The following MPDZ variants were observed in gnomAD, a reference collection of about 807,000 sequenced individuals.
MPDZ encodes the protein multiple PDZ domain protein.
In MPDZ, 234 loss-of-function variants were observed where a neutral mutation model predicts 239.1. That is an observed-to-expected ratio of 0.98 (90% CI 0.88 to 1.09). The LOEUF is 1.09. Ranked by LOEUF, MPDZ falls within the 50% of genes least tolerant of loss-of-function variation. The pLI is 0.00. For synonymous variants in MPDZ, 1,048 were observed against 881.3 expected, an observed-to-expected ratio of 1.19 and a Z score of -3.35; for missense variants, 3,175 against 2,510.0, an observed-to-expected ratio of 1.26 and a Z score of -5.66.
chr9:13,114,118 TAAGC>T (rs773524097), intron 40 of MPDZ, 97 bp from the exon 41 acceptor site: 6 of 910,666 alleles, frequency 6.6e-6, no homozygotes, highest in Non-Finnish European at 1.0e-5. Context: ...AGATACCTGT[TAAGC>T]AACAGTGGCA....
At chr9:13,262,178 T>G (rs554101170) in intron 1 of MPDZ, among the ~76,000 whole-genome samples, 1 of 152,160 alleles carries the variant, frequency 6.6e-6, no homozygotes, top group East Asian at 1.9e-4. Context: ...AAATCTGCAT[T>G]CAGGCCAGCC....
rs1944389449 is a variant in MPDZ at position 13,121,798 on chromosome 9, G to A, written c.5172C>T (p.Leu1724=). ...CCGGCTTCTTCTGCAGCTCAATAGT[G>A]AGGGTGTCACACACTTCCTCCTCTT... ...PYKEEEVCDT[L]TIELQKKPGK... The change falls in exon 38 of 47, where the codon CTC becomes CTT. Residue 1724 remains leucine, a synonymous_variant. Transcript: ENST00000319217. The A allele has an allele frequency of 1.9e-6, 3 of 1,613,878 alleles. No individual in the cohort carries two copies. The highest frequency in any genetic ancestry group is 1.7e-6 in the Non-Finnish European group (2 of 1,179,868).
rs554487380 is a variant in MPDZ at position 13,190,231 on chromosome 9, A to G, written c.2037T>C (p.Asp679=). 59 of 1,612,796 alleles carry G rather than the reference A, an allele frequency of 3.7e-5. No individual in the cohort carries two copies. In the South Asian group the frequency reaches 3.7e-4, roughly 10 times the overall value. ...GAACCTCTTCTGTACTCTGACCCGCATCAGTCATCGCCAGCACTGGATCCT... is the reference window on the plus strand; with the variant it reads ...GAACCTCTTCTGTACTCTGACCCGCGTCAGTCATCGCCAGCACTGGATCCT... ...ETEDPVLAMT[D]AGQSTEEVQA... is the part of the protein sequence containing the mutation. The change falls in exon 16 of 47, where the codon GAT becomes GAC. Residue 679 remains aspartate, a synonymous_variant. Coordinates refer to ENST00000319217, the MANE Select transcript of MPDZ (RefSeq NM_001378778.1).
At chr9:13,262,699 A>G (rs1372552763) in intron 1 of MPDZ, among the ~76,000 whole-genome samples, 1 of 152,128 alleles carries the variant, frequency 6.6e-6, no homozygotes, top group Non-Finnish European at 1.5e-5. Flanking sequence ...CATAGTAAAC[A>G]AAAAACACAA....
chr9:13,214,718 T>C (rs1243617698), intron 10 of MPDZ, among the ~76,000 whole-genome samples: 2 of 152,096 alleles, frequency 1.3e-5, no homozygotes, highest in African/African-American at 4.8e-5. Flanking sequence ...GTATTCCTTC[T>C]GTCTTTCACT....
At chr9:13,190,545 G>T (rs1403051232) in intron 15 of MPDZ, among the ~76,000 whole-genome samples, 1 of 152,082 alleles carries the variant, frequency 6.6e-6, no homozygotes, top group Non-Finnish European at 1.5e-5. Context: ...ATGAAAATAT[G>T]CAATGGTTAT....
At chr9:13,198,095 C>T (rs927552972) in intron 12 of MPDZ, among the ~76,000 whole-genome samples, 1 of 152,088 alleles carries the variant, frequency 6.6e-6, no homozygotes, top group African/African-American at 2.4e-5. Context: ...GATTTCCTTT[C>T]TTTTGGATAT....
At chr9:13,141,632 A>AT (rs1947704179) in intron 27 of MPDZ, among the ~76,000 whole-genome samples, 1 of 152,212 alleles carries the variant, frequency 6.6e-6, no homozygotes, top group Non-Finnish European at 1.5e-5. Flanking sequence ...TTGTAAGGAT[A>AT]CATTAAATGA....
chr9:13,106,996 T>C lies in MPDZ; in HGVS notation c.6182A>G (p.Lys2061Arg). 1 of 1,613,610 alleles carries C rather than the reference T, an allele frequency of 6.2e-7. No individual in the cohort carries two copies. Among genetic ancestry groups the C allele is most frequent in the Non-Finnish European group, 8.5e-7 (1 of 1,179,622 alleles). The change falls in exon 47 of 47, where the codon AAA (lysine) becomes AGA (arginine). Residue 2061 changes from lysine to arginine, a missense_variant. Physicochemically the swap from Lys to Arg is conservative, Grantham distance 26. Coordinates refer to ENST00000319217, the MANE Select transcript of MPDZ (RefSeq NM_001378778.1). ...EEAVAILKRT[K>R]GTVTLMVLS is the part of the protein sequence containing the mutation. The stretch of plus-strand genomic sequence containing the variant: ...GAGAACCATCAAAGTGACAGTGCCT[T>C]TTGTCCGTTTAAGGATGGCAACAGC...
chr9:13,205,138 T>C (rs1956848475), intron 11 of MPDZ, 31 bp from the exon 12 acceptor site: 1 of 1,201,542 alleles, frequency 8.3e-7, no homozygotes, highest in Non-Finnish European at 1.1e-6. Context: ...AGTAATTTTA[T>C]CTTTAGTATA....
At chr9:13,252,718 T>C (rs1240356423) in intron 1 of MPDZ, among the ~76,000 whole-genome samples, 2 of 151,972 alleles carry the variant, frequency 1.3e-5, no homozygotes, top group African/African-American at 4.8e-5. Context: ...GCGTGGTGCA[T>C]GTGCCTGTCG....
intron 1 of MPDZ, among the ~76,000 whole-genome samples, chr9:13,273,182 G>A (rs1973405170): frequency 6.6e-6 from 1 of 152,112 alleles, no homozygotes; most frequent in African/African-American, 2.4e-5. Context: ...AGAAATAAAT[G>A]TATGTTTATA....
chr9:13,217,301 T>C lies in MPDZ; in HGVS notation c.1087-7A>G. 3.3e-6 allele frequency: 5 copies of C among 1,516,036 alleles called. No homozygotes were observed. The highest frequency in any genetic ancestry group is 3.6e-6 in the Non-Finnish European group (4 of 1,110,336). The allele number at this position is 1,516,036 out of a possible 1,614,324, so 93.9% of individuals were successfully genotyped here. ...TCTGAGTAGAAGCATCAACCTAAAA[T>C]AAAATCAATAAATATACAGTGAAAT... On this transcript the variant is annotated splice_region_variant and splice_polypyrimidine_tract_variant and intron_variant, in intron 8 of 46. Coordinates refer to ENST00000319217, the MANE Select transcript of MPDZ (RefSeq NM_001378778.1).
chr9:13,201,545 C>T (rs1956390771), intron 12 of MPDZ, among the ~76,000 whole-genome samples: 1 of 151,906 alleles, frequency 6.6e-6, no homozygotes. Flanking sequence ...TCAGGAGTCC[C>T]TATTACACAG....
intron 1 of MPDZ, among the ~76,000 whole-genome samples, chr9:13,259,472 A>G (rs1020898392): frequency 2.6e-5 from 4 of 152,332 alleles, no homozygotes; most frequent in Admixed American, 6.5e-5. Flanking sequence ...GCAGCATTGG[A>G]GAAATGATGA....
intron 24 of MPDZ, 56 bp downstream of exon 24, chr9:13,157,962 T>C: frequency 6.8e-7 from 1 of 1,466,630 alleles, no homozygotes; most frequent in Non-Finnish European, 9.5e-7. Flanking sequence ...CCACACCTGC[T>C]TATCTTTAAA....
At chr9:13,205,200 T>C (rs913831857) in intron 11 of MPDZ, 93 bp from the exon 12 acceptor site, 1 of 609,180 alleles carries the variant, frequency 1.6e-6, no homozygotes, top group Admixed American at 3.9e-5. Flanking sequence ...AACTCCTACA[T>C]GAGAATCTGT....
At chr9:13,123,047 G>A (rs978470116) in intron 36 of MPDZ, 106 bp downstream of exon 36, 13 of 1,163,870 alleles carry the variant, frequency 1.1e-5, no homozygotes, top group Middle Eastern at 3.1e-4. Flanking sequence ...AGGTTTTTTC[G>A]GCCTTCACAT....
chr9:13,270,789 A>C (rs1588242919), intron 1 of MPDZ, among the ~76,000 whole-genome samples: 1 of 151,906 alleles, frequency 6.6e-6, no homozygotes, highest in Admixed American at 6.6e-5. Flanking sequence ...CCCCTCTCCA[A>C]CTCTTGGGGT....
Sources: allele counts gnomAD v4.1 joint callset (sites outside exome capture counted in the v4.1 genomes callset), GRCh38; gene constraint gnomAD v4.1.1; transcripts MANE v1.5; gene names NCBI Gene and HGNC (gene_info 2026-07-23, HGNC 2026-07-21).